ATCAY: variants seen among roughly 807,000 people sequenced by gnomAD.
ATCAY encodes the protein ATCAY kinesin light chain interacting caytaxin, also known as caytaxin.
ATCAY carries 22 observed loss-of-function variants against 47.7 expected under a neutral mutation model. The ratio of observed to expected loss-of-function variants is 0.46; its 90% confidence interval spans 0.33 to 0.66. The LOEUF is 0.66. Among genes scored for constraint, ATCAY ranks in the 30% least tolerant of loss-of-function variants. ATCAY has a pLI of 0.02. For synonymous variants in ATCAY, 216 were observed against 207.6 expected, an observed-to-expected ratio of 1.04 and a Z score of -0.35; for missense variants, 452 against 515.0, an observed-to-expected ratio of 0.88 and a Z score of 1.18.
intron 1 of ATCAY, among the ~76,000 whole-genome samples, chr19:3,881,899 A>ATT (rs1328380306): frequency 1.6e-5 from 1 of 61,550 alleles, no homozygotes; most frequent in African/African-American, 7.6e-5. Flanking sequence ...TCCAGGAGGG[A>ATT]TTTTTTTTTT....
At chr19:3,902,343 G>A in intron 2 of ATCAY, 144 bp from the exon 3 acceptor site, 2 of 748,512 alleles carry the variant, frequency 2.7e-6, no homozygotes, top group Non-Finnish European at 4.6e-6. Context: ...ATATATTTAG[G>A]TCCAGTGATT....
At chr19:3,911,983 T>C (rs1020314009) in intron 8 of ATCAY, among the ~76,000 whole-genome samples, 4 of 152,224 alleles carry the variant, frequency 2.6e-5, no homozygotes, top group African/African-American at 9.6e-5. Context: ...TTTTAGCTAA[T>C]AATGAATCAA....
chr19:3,883,680 C>T (rs2038622443), intron 1 of ATCAY, among the ~76,000 whole-genome samples: 1 of 152,156 alleles, frequency 6.6e-6, no homozygotes, highest in Non-Finnish European at 1.5e-5. Context: ...TGCCAAGTGT[C>T]CCCTTGCAGC....
chr19:3,898,863 G>C (rs2038790924), intron 2 of ATCAY, among the ~76,000 whole-genome samples: 1 of 152,086 alleles, frequency 6.6e-6, no homozygotes, highest in South Asian at 2.1e-4. Flanking sequence ...TGTATTTTTA[G>C]TACAGACAGG....
chr19:3,917,620 A>T, intron 9 of ATCAY, 122 bp from the exon 10 acceptor site: 1 of 903,432 alleles, frequency 1.1e-6, no homozygotes, highest in Non-Finnish European at 1.7e-6. Flanking sequence ...AGGAAGAAGA[A>T]GAAGAAGAAA....
intron 2 of ATCAY, among the ~76,000 whole-genome samples, chr19:3,891,494 C>T (rs186262462): frequency 1.4e-4 from 22 of 152,080 alleles, no homozygotes; most frequent in African/African-American, 5.3e-4. Flanking sequence ...CCCTTATAGC[C>T]TCACAACCCA....
At chr19:3,916,141 A>G (rs2038964628) in intron 9 of ATCAY, among the ~76,000 whole-genome samples, 1 of 152,096 alleles carries the variant, frequency 6.6e-6, no homozygotes, top group Non-Finnish European at 1.5e-5. Context: ...ATGGATCCAC[A>G]CAGGATTTGT....
chr19:3,895,148 C>T (rs11085046), intron 2 of ATCAY: 1 of 456,194 alleles, frequency 2.2e-6, no homozygotes, highest in East Asian at 6.9e-5. Context: ...TTTGCACAAT[C>T]CTGGGAACCA....
chr19:3,882,413 T>G (rs143018285), intron 1 of ATCAY, among the ~76,000 whole-genome samples: 3,310 of 151,570 alleles, frequency 0.022, 96 homozygotes, highest in African/African-American at 0.061. Flanking sequence ...GACCTCCTGG[T>G]CTCAAGCGAT....
chr19:3,919,699 C>T (rs1011352615), intron 11 of ATCAY, among the ~76,000 whole-genome samples: 1 of 150,762 alleles, frequency 6.6e-6, no homozygotes, highest in Non-Finnish European at 1.5e-5. Context: ...GAGGTCAAGG[C>T]TACAGCAAGC....
intron 12 of ATCAY, among the ~76,000 whole-genome samples, chr19:3,921,413 G>C (rs763232023): frequency 3.3e-5 from 5 of 151,172 alleles, no homozygotes; most frequent in Non-Finnish European, 5.9e-5. Flanking sequence ...CTGGGCAATA[G>C]GGCTAGACTT....
rs1424329709 is a variant in ATCAY, at chr19:3,908,249, AT to A, written c.545-18del. The A allele has an allele frequency of 6.4e-7, 1 of 1,557,526 alleles. No homozygotes were observed. Among genetic ancestry groups the A allele is most frequent in the Non-Finnish European group, 8.7e-7 (1 of 1,149,568 alleles). On this transcript the variant is annotated intron_variant, in intron 5 of 12. Transcript: ENST00000450849. Reference sequence around the variant, plus strand: ...CTGGGAGAGGACTCTGACGTTGCCGATCGGCTGCCTCTCCTCAGGGTACTAC... The same window carrying A: ...CTGGGAGAGGACTCTGACGTTGCCGACGGCTGCCTCTCCTCAGGGTACTAC...
In ATCAY at chr19:3,913,675, G is replaced by A. The variant is rs914426802; in HGVS notation, c.867-83G>A. 41 of 1,040,954 alleles carry A rather than the reference G, an allele frequency of 3.9e-5. No homozygotes were observed. The African/African-American group carries it at 5.8e-4, about 15-fold the overall frequency. The allele number at this position is 1,040,954 out of a possible 1,614,324, so 64.5% of individuals were successfully genotyped here. A position where few individuals can be genotyped will look rare whatever the true frequency, so the allele number is the denominator to read the frequency against. On this transcript the variant is annotated intron_variant, in intron 8 of 12. Transcript: ENST00000450849. ...GGAGTGGGGTCCTGTGGGGATCCCT[G>A]TCGCCATGGCTCTGTCTGGACCTAG...
chr19:3,883,265 T>C (rs1321859405), intron 1 of ATCAY, among the ~76,000 whole-genome samples: 5 of 151,840 alleles, frequency 3.3e-5, no homozygotes, highest in African/African-American at 9.7e-5. Flanking sequence ...TCCAAGCTAC[T>C]CAAGAGGTGG....
At position 3,924,234 on chromosome 19, in the gene ATCAY, T is replaced by TGGATGGAC. The variant is rs58707523; in HGVS notation, c.1107-342_1107-341insCGGATGGA. Among the ~76,000 whole-genome samples, 299 of 38,424 alleles carry TGGATGGAC rather than the reference T, an allele frequency of 7.8e-3. 1 individual carries two copies. In the African/African-American group the frequency reaches 0.085, roughly 11 times the overall value. The allele number at this position is 38,424 out of a possible 152,430, so 25.2% of individuals were successfully genotyped here. On this transcript the variant is annotated intron_variant, in intron 12 of 12. Transcript: ENST00000450849. ...GTGAATGGATGGGTGAGTGAGTGTG[T>TGGATGGAC]GGATGGATGGATGGATGGATGGATG...
chr19:3,925,943 G>C lies in ATCAY; in HGVS notation c.*1351G>C, dbSNP rs1449883004. 1.3e-5 allele frequency: 2 copies of C among 152,104 alleles called. No individual in the cohort carries two copies. Among genetic ancestry groups the C allele is most frequent in the Non-Finnish European group, 2.9e-5 (2 of 68,068 alleles). 9.4% of individuals were successfully genotyped at this position (152,104 alleles called of 1,614,324 possible). On this transcript the variant is annotated 3_prime_UTR_variant, in exon 13 of 13. Transcript: ENST00000450849. This position sits in a 1 kb window ranked among gnomAD's most constrained non-coding sequence, Gnocchi z 4.4. ...AATCACTTAAACCTGAGAGGCAGAGGTTACAGTGAGCCAAGATCGTGCCAC... is the reference window on the plus strand; with the variant it reads ...AATCACTTAAACCTGAGAGGCAGAGCTTACAGTGAGCCAAGATCGTGCCAC...
rs543216646 is a variant in ATCAY at position 3,908,379 on chromosome 19, C to T, written c.647+9C>T. 3.4e-5 allele frequency: 53 copies of T among 1,574,300 alleles called. No individual in the cohort carries two copies. The highest frequency in any genetic ancestry group is 1.7e-4 in the South Asian group (15 of 86,110). The stretch of plus-strand genomic sequence containing the variant: ...ATGGAGAACCTCTTCCTGTGAGTCC[C>T]CGCCCGCGGCGAGCAGCCTCGGGCC... On this transcript the variant is annotated intron_variant, in intron 6 of 12. Coordinates refer to ENST00000450849, the MANE Select transcript of ATCAY (RefSeq NM_033064.5).
intron 12 of ATCAY, among the ~76,000 whole-genome samples, chr19:3,923,841 T>C (rs2039041636): frequency 6.8e-6 from 1 of 146,996 alleles, no homozygotes; most frequent in Admixed American, 6.8e-5. Flanking sequence ...GGTGGGTGGA[T>C]GGATGGATGG....
chr19:3,920,232 C>G (rs773016451), intron 11 of ATCAY: 2 of 152,292 alleles, frequency 1.3e-5, no homozygotes, highest in Non-Finnish European at 2.9e-5. Context: ...GTAGTCCCAG[C>G]TACTTGGGAG....
Sources: allele counts gnomAD v4.1 joint callset (sites outside exome capture counted in the v4.1 genomes callset), GRCh38; gene constraint gnomAD v4.1.1; non-coding constraint Gnocchi (gnomAD v3.1); transcripts MANE v1.5; gene names NCBI Gene and HGNC (gene_info 2026-07-23, HGNC 2026-07-21).